Variants in LRFN5 observed in about 807,000 individuals in gnomAD.
LRFN5 encodes the protein leucine-rich repeat and fibronectin type-III domain-containing protein 5.
Under a neutral mutation model 45.6 loss-of-function variants are expected in LRFN5, and 24 were observed. The observed-to-expected ratio is 0.53, with a 90% confidence interval of 0.38 to 0.74. The LOEUF is 0.74. Among genes scored for constraint, LRFN5 ranks in the 30% least tolerant of loss-of-function variants. The pLI is 0.00. For synonymous variants in LRFN5, 340 were observed against 313.8 expected (o/e 1.08, Z -0.88); for missense variants, 776 against 861.5 (o/e 0.90, Z 1.24).
At position 41,887,791 on chromosome 14, in the gene LRFN5, A is replaced by G; in HGVS notation, c.1166A>G (p.Glu389Gly). 1 of 1,614,034 alleles carries G rather than the reference A, an allele frequency of 6.2e-7. No homozygotes were observed. The highest frequency in any genetic ancestry group is 1.7e-5 in the Admixed American group (1 of 60,028). Residue 389 changes from glutamate (E) to glycine (G), a missense_variant, in exon 3 of 6, where the codon GAG becomes GGG. Coordinates refer to ENST00000298119, the MANE Select transcript of LRFN5 (RefSeq NM_152447.5). The surrounding 1 kb of genome is among the most constrained non-coding windows in gnomAD (Gnocchi z 4.8). ...HLLNSTNHIH[E>G]PDPGSSDIST... ...CTAAATAGTACAAACCATATCCATGAGCCTGATCCTGGTTCTTCAGATATC... is the reference window on the plus strand; with the variant it reads ...CTAAATAGTACAAACCATATCCATGGGCCTGATCCTGGTTCTTCAGATATC...
At chr14:41,791,344 T>A (rs1425253049) in intron 2 of LRFN5, among the ~76,000 whole-genome samples, 1 of 152,020 alleles carries the variant, frequency 6.6e-6, no homozygotes, top group Admixed American at 6.6e-5. Context: ...AGATGATCAG[T>A]CAGTATCAGT....
intron 1 of LRFN5, among the ~76,000 whole-genome samples, chr14:41,723,534 G>A (rs923898269): frequency 2.0e-4 from 31 of 152,154 alleles, no homozygotes; most frequent in African/African-American, 7.5e-4. Flanking sequence ...CAAATGCCTG[G>A]TGATCTTCCC....
At chr14:41,860,902 A>T (rs1889637613) in intron 2 of LRFN5, among the ~76,000 whole-genome samples, 1 of 152,236 alleles carries the variant, frequency 6.6e-6, no homozygotes, top group South Asian at 2.1e-4. Context: ...AAACAAAATG[A>T]AATACATTTA....
rs1880951301 is a variant in LRFN5, at chr14:41,667,402, C to T, written c.-197+58840C>T. ...ATTTTAGCAGTGCTGTCTAATACAG[C>T]AGCCATAGCCATGTTTGCTATATCT... On this transcript the variant is annotated intron_variant, in intron 1 of 5. Transcript: ENST00000298119. 2.0e-5 allele frequency among the ~76,000 whole-genome samples: 3 copies of T among 152,290 alleles called. No homozygotes were observed. The South Asian group carries it at 6.2e-4, about 32-fold the overall frequency.
intron 1 of LRFN5, among the ~76,000 whole-genome samples, chr14:41,740,753 G>T (rs551120084): frequency 2.0e-5 from 3 of 152,014 alleles, no homozygotes; most frequent in African/African-American, 7.2e-5. Flanking sequence ...AGGAAAAAAA[G>T]AAGTGAAATT....
chr14:41,881,159 C>T (rs141299577), intron 2 of LRFN5, among the ~76,000 whole-genome samples: 6 of 152,136 alleles, frequency 3.9e-5, no homozygotes, highest in African/African-American at 1.4e-4. Flanking sequence ...TCTATTTTCC[C>T]AGTGGGTTCA....
At chr14:41,767,446 T>TA (rs1184418802) in intron 2 of LRFN5, among the ~76,000 whole-genome samples, 5 of 152,056 alleles carry the variant, frequency 3.3e-5, no homozygotes, top group Admixed American at 2.0e-4. Context: ...TTTCTGAATT[T>TA]AAAAAAAATA....
intron 1 of LRFN5, among the ~76,000 whole-genome samples, chr14:41,734,235 C>T (rs1884309269): frequency 7.1e-6 from 1 of 140,114 alleles, no homozygotes; most frequent in Non-Finnish European, 1.5e-5. Flanking sequence ...TGGTCTTGAA[C>T]TCCTGACCTC....
intron 2 of LRFN5, among the ~76,000 whole-genome samples, chr14:41,820,238 A>T (rs183334454): frequency 5.1e-4 from 77 of 151,922 alleles, no homozygotes; most frequent in African/African-American, 1.8e-3. Flanking sequence ...TAGAATTTTT[A>T]TAGTTTCAGG....
intron 1 of LRFN5, among the ~76,000 whole-genome samples, chr14:41,704,448 C>CTCTCTCTGTGTGTGTGTGTGTGTGTG (rs200253065): frequency 7.3e-4 from 91 of 124,248 alleles, no homozygotes; most frequent in African/African-American, 3.2e-3. Context: ...CTCTCTCTCT[C>CTCTCTCTGTGTGTGTGTGTGTGTGTG]TGTGTGTGTG....
At chr14:41,779,522 T>C (rs1416157888) in intron 2 of LRFN5, among the ~76,000 whole-genome samples, 2 of 151,940 alleles carry the variant, frequency 1.3e-5, no homozygotes, top group East Asian at 3.9e-4. Context: ...TTGGCTTCTG[T>C]TTCTGTTAGA....
intron 1 of LRFN5, among the ~76,000 whole-genome samples, chr14:41,689,000 T>C (rs1882246899): frequency 6.7e-6 from 1 of 149,474 alleles, no homozygotes; most frequent in Non-Finnish European, 1.5e-5. Flanking sequence ...GAGGCTGAGG[T>C]GGGAGGATCA....
intron 2 of LRFN5, among the ~76,000 whole-genome samples, chr14:41,807,990 G>A (rs769257299): frequency 1.3e-5 from 2 of 151,458 alleles, no homozygotes; most frequent in African/African-American, 4.8e-5. Flanking sequence ...GAGCTATTTG[G>A]TGATTTAAAA....
At position 41,747,481 on chromosome 14, in the gene LRFN5, A is replaced by C. The variant is rs140317949; in HGVS notation, c.-196-19373A>C. 8.5e-4 allele frequency among the ~76,000 whole-genome samples: 130 copies of C among 152,144 alleles called. 1 individual carries two copies. The highest frequency in any genetic ancestry group is 2.4e-3 in the African/African-American group (101 of 41,570). The stretch of plus-strand genomic sequence containing the variant: ...GTGATGCTGGAAAAACATGCAAAAT[A>C]ATTAAGTTGGACCTTTACATAACAC... On this transcript the variant is annotated intron_variant, in intron 1 of 5. Coordinates refer to ENST00000298119, the MANE Select transcript of LRFN5 (RefSeq NM_152447.5).
At chr14:41,764,859 GATTATATATGCAGAATACA>G (rs1885814461) in intron 1 of LRFN5, among the ~76,000 whole-genome samples, 1 of 42,662 alleles carries the variant, frequency 2.3e-5, no homozygotes, top group Non-Finnish European at 4.2e-5. Flanking sequence ...ACATATATAT[GATTATATATGCAGAATACA>G]TATATATTCA....
At chr14:41,640,535 C>T (rs1879529058) in intron 1 of LRFN5, among the ~76,000 whole-genome samples, 2 of 152,034 alleles carry the variant, frequency 1.3e-5, no homozygotes, top group South Asian at 4.1e-4. Context: ...AGGAGAAATA[C>T]ACAGGAAAGA....
intron 2 of LRFN5, among the ~76,000 whole-genome samples, chr14:41,855,866 T>C (rs1889434197): frequency 6.6e-6 from 1 of 152,228 alleles, no homozygotes. Context: ...TGTATCACTG[T>C]AGACATGGTG....
At chr14:41,691,592 G>A (rs1336826400) in intron 1 of LRFN5, among the ~76,000 whole-genome samples, 8 of 151,840 alleles carry the variant, frequency 5.3e-5, no homozygotes, top group African/African-American at 1.2e-4. Context: ...CAATTTATAC[G>A]TAACATTTAA....
At chr14:41,674,222 C>T (rs1307656127) in intron 1 of LRFN5, among the ~76,000 whole-genome samples, 1 of 138,320 alleles carries the variant, frequency 7.2e-6, no homozygotes, top group African/African-American at 2.7e-5. Context: ...CACCTCCCTC[C>T]CGGACGGGGC....
Sources: gnomAD v4.1 joint callset for allele counts (sites outside exome capture counted in the v4.1 genomes callset) on GRCh38, gnomAD v4.1.1 for gene constraint, Gnocchi (gnomAD v3.1) non-coding constraint, MANE v1.5 for transcripts, NCBI Gene and HGNC (gene_info 2026-07-23, HGNC 2026-07-21) for gene names.